CBFA2T3: variants seen among roughly 807,000 people sequenced by gnomAD.
CBFA2T3 encodes the protein CBFA2/RUNX1 partner transcriptional co-repressor 3.
Under a neutral mutation model 58.6 loss-of-function variants are expected in CBFA2T3, and 31 were observed. That is an observed-to-expected ratio of 0.53 (90% CI 0.40 to 0.71). The LOEUF is 0.71. Ranked by LOEUF, CBFA2T3 falls within the 30% of genes least tolerant of loss-of-function variation. CBFA2T3 has a pLI of 0.00. For synonymous variants in CBFA2T3, 531 were observed against 421.9 expected (o/e 1.26, Z -3.17); for missense variants, 1,076 against 963.1 (o/e 1.12, Z -1.55).
chr16:88,887,670 C>T (rs1464782982), intron 5 of CBFA2T3, among the ~76,000 whole-genome samples: 5 of 152,298 alleles, frequency 3.3e-5, no homozygotes, highest in African/African-American at 9.6e-5. Flanking sequence ...ACTGTGGGAA[C>T]CTCCGGCAGT....
At position 88,875,518 on chromosome 16, in the gene CBFA2T3, G is replaced by T. The variant is rs1414787029; in HGVS notation, c.*1458C>A. The T allele has an allele frequency of 1.3e-5, 3 of 233,646 alleles. No homozygotes were observed. Among genetic ancestry groups the T allele is most frequent in the Middle Eastern group, 1.2e-3 (1 of 810 alleles). 14.5% of individuals were successfully genotyped at this position (233,646 alleles called of 1,614,324 possible). A position where few individuals can be genotyped will look rare whatever the true frequency, so the allele number is the denominator to read the frequency against. On this transcript the variant is annotated 3_prime_UTR_variant, in exon 12 of 12. Coordinates refer to ENST00000268679, the MANE Select transcript of CBFA2T3 (RefSeq NM_005187.6). ...GGCTGCTTTTGTTTGTAGTTTTTTT[G>T]TTTTTTCTGCAAAAGTTTGGAAGAA...
intron 10 of CBFA2T3, chr16:88,880,098 T>C (rs1184658160): frequency 6.4e-6 from 1 of 155,502 alleles, no homozygotes; most frequent in Non-Finnish European, 1.4e-5. Flanking sequence ...GATCCTGATC[T>C]GTGCTAAGAT....
intron 1 of CBFA2T3, among the ~76,000 whole-genome samples, chr16:88,917,836 G>T (rs1276032669): frequency 6.6e-6 from 1 of 152,212 alleles, no homozygotes; most frequent in Admixed American, 6.5e-5. Flanking sequence ...AGACGAGAGT[G>T]TGGGTGTGGA....
intron 2 of CBFA2T3, among the ~76,000 whole-genome samples, chr16:88,901,001 G>A (rs903627143): frequency 6.6e-6 from 1 of 152,246 alleles, no homozygotes; most frequent in Non-Finnish European, 1.5e-5. Flanking sequence ...TGGAGCTCCT[G>A]AGATCTGAGC....
chr16:88,892,149 C>A (rs1969659928), intron 4 of CBFA2T3, 95 bp downstream of exon 4: 2 of 1,479,166 alleles, frequency 1.4e-6, no homozygotes, highest in Non-Finnish European at 1.8e-6. Flanking sequence ...CGGTTGTCAG[C>A]GTGGAGCCCA....
intron 3 of CBFA2T3, among the ~76,000 whole-genome samples, chr16:88,896,407 C>T (rs80081054): frequency 0.011 from 1,649 of 152,274 alleles, 31 homozygotes; most frequent in African/African-American, 0.037. Flanking sequence ...CTCTGGAGCG[C>T]GCGGCACCGA....
At chr16:88,966,123 G>A (rs1330347328) in intron 1 of CBFA2T3, among the ~76,000 whole-genome samples, 1 of 152,232 alleles carries the variant, frequency 6.6e-6, no homozygotes, top group Non-Finnish European at 1.5e-5. Flanking sequence ...TGGACGGAGT[G>A]GGCTTTCCCG....
At position 88,958,284 on chromosome 16, in the gene CBFA2T3, C is replaced by T. The variant is rs933612371; in HGVS notation, c.151+18373G>A. The stretch of plus-strand genomic sequence containing the variant: ...AAGCTCCCAGGGAAGCTTTGAGCTT[C>T]CTCAAAAAGCTATTTTGAGCCTAAA... On this transcript the variant is annotated intron_variant, in intron 1 of 11. Transcript: ENST00000268679. The surrounding 1 kb of genome is among the most constrained non-coding windows in gnomAD (Gnocchi z 4.0). Among the ~76,000 whole-genome samples the T allele has an allele frequency of 2.0e-5, 3 of 151,440 alleles. No homozygotes were observed. The highest frequency in any genetic ancestry group is 3.0e-5 in the Non-Finnish European group (2 of 67,652).
chr16:88,958,246 C>T lies in CBFA2T3; in HGVS notation c.151+18411G>A, dbSNP rs1280640718. 6.6e-6 allele frequency among the ~76,000 whole-genome samples: 1 copy of T among 152,146 alleles called. No individual in the cohort carries two copies. Among genetic ancestry groups the T allele is most frequent in the Non-Finnish European group, 1.5e-5 (1 of 68,024 alleles). Reference sequence around the variant, plus strand: ...CTGGGCACAGGCTATGGCAGAAGAGCTTCGAGAGCCCAAAGCTCCCAGGGA... The same window carrying T: ...CTGGGCACAGGCTATGGCAGAAGAGTTTCGAGAGCCCAAAGCTCCCAGGGA... On this transcript the variant is annotated intron_variant, in intron 1 of 11. Coordinates refer to ENST00000268679, the MANE Select transcript of CBFA2T3 (RefSeq NM_005187.6). This position sits in a 1 kb window ranked among gnomAD's most constrained non-coding sequence, Gnocchi z 4.0.
At chr16:88,894,578 A>G (rs1969807435) in intron 3 of CBFA2T3, among the ~76,000 whole-genome samples, 1 of 149,510 alleles carries the variant, frequency 6.7e-6, no homozygotes, top group African/African-American at 2.5e-5. Context: ...GCACACACAC[A>G]TGCATACATA....
rs573638650 is a variant in CBFA2T3 at position 88,958,770 on chromosome 16, C to T, written c.151+17887G>A. On this transcript the variant is annotated intron_variant, in intron 1 of 11. Coordinates refer to ENST00000268679, the MANE Select transcript of CBFA2T3 (RefSeq NM_005187.6). The surrounding 1 kb of genome is among the most constrained non-coding windows in gnomAD (Gnocchi z 4.0). The stretch of plus-strand genomic sequence containing the variant: ...CTGGGGCCTCAGGGCCTCAGCGTAG[C>T]CCAGGTCTGCGCTGGCTCTGGGCTC... Among the ~76,000 whole-genome samples the T allele has an allele frequency of 8.3e-4, 126 of 152,192 alleles. No homozygotes were observed. Among genetic ancestry groups the T allele is most frequent in the Middle Eastern group, 3.4e-3 (1 of 294 alleles).
rs893443701 is a variant in CBFA2T3 at position 88,914,860 on chromosome 16, C to T, written c.152-13204G>A. Among the ~76,000 whole-genome samples the T allele has an allele frequency of 8.5e-5, 13 of 152,200 alleles. No individual in the cohort carries two copies. In the South Asian group the frequency reaches 1.7e-3, roughly 19 times the overall value. ...GTCTGGGGCCTGCTTGCCCCGTGGC[C>T]GCACACAAAGGAAGCACATTCCTTG... On this transcript the variant is annotated intron_variant, in intron 1 of 11. Transcript: ENST00000268679.
At position 88,899,718 on chromosome 16, in the gene CBFA2T3, A is replaced by G. The variant is rs1174441593; in HGVS notation, c.305-1566T>C. Among the ~76,000 whole-genome samples the G allele has an allele frequency of 3.9e-5, 6 of 152,294 alleles. No individual in the cohort carries two copies. In the East Asian group the frequency reaches 1.2e-3, roughly 29 times the overall value. On this transcript the variant is annotated intron_variant, in intron 2 of 11. Transcript: ENST00000268679. ...GAGACGCACCCTTGAGGGTCTGGGG[A>G]ACCAGGCTCAGCCCACGGTGTTTGT...
At chr16:88,887,781 C>T (rs1969441027) in intron 5 of CBFA2T3, among the ~76,000 whole-genome samples, 2 of 152,114 alleles carry the variant, frequency 1.3e-5, no homozygotes, top group South Asian at 4.1e-4. Flanking sequence ...GGTCAAAATG[C>T]CCCAACTCCA....
intron 1 of CBFA2T3, among the ~76,000 whole-genome samples, chr16:88,968,411 C>T (rs1033249343): frequency 1.3e-5 from 2 of 152,234 alleles, no homozygotes; most frequent in Admixed American, 6.5e-5. Context: ...AGCTGAGGGG[C>T]CGCAGGACAA....
rs556103399 is a variant in CBFA2T3 at position 88,891,221 on chromosome 16, C to T, written c.711+661G>A. ...CACCCCACGTATTCTGTTCCAGTCA[C>T]ACTGACCCCTCTGCTGTTCCTCAAG... On this transcript the variant is annotated intron_variant, in intron 5 of 11. Coordinates refer to ENST00000268679, the MANE Select transcript of CBFA2T3 (RefSeq NM_005187.6). 2.6e-5 allele frequency among the ~76,000 whole-genome samples: 4 copies of T among 152,232 alleles called. 1 individual carries two copies. The Middle Eastern group carries it at 0.01, about 388-fold the overall frequency.
At chr16:88,975,378 A>G (rs1218422559) in intron 1 of CBFA2T3, among the ~76,000 whole-genome samples, 1 of 152,136 alleles carries the variant, frequency 6.6e-6, no homozygotes, top group Non-Finnish European at 1.5e-5. Flanking sequence ...CCATCCTAAC[A>G]AAGCGGCGGC....
chr16:88,927,857 C>T (rs776526655), intron 1 of CBFA2T3, among the ~76,000 whole-genome samples: 1 of 152,202 alleles, frequency 6.6e-6, no homozygotes, highest in African/African-American at 2.4e-5. Flanking sequence ...CTGGGCTGCA[C>T]GGGCCACGAT....
intron 11 of CBFA2T3, among the ~76,000 whole-genome samples, chr16:88,879,066 G>A (rs1357489705): frequency 6.6e-6 from 1 of 152,214 alleles, no homozygotes. Context: ...ACAGAACGGG[G>A]ACATCCATAG....
Sources: allele counts gnomAD v4.1 joint callset (sites outside exome capture counted in the v4.1 genomes callset), GRCh38; gene constraint gnomAD v4.1.1; non-coding constraint Gnocchi (gnomAD v3.1); transcripts MANE v1.5; gene names NCBI Gene and HGNC (gene_info 2026-07-23, HGNC 2026-07-21).